KMT2C: variants seen among roughly 807,000 people sequenced by gnomAD.
KMT2C encodes lysine methyltransferase 2C, also known as histone-lysine N-methyltransferase 2C.
KMT2C carries 88 observed loss-of-function variants against 507.9 expected under a neutral mutation model. That is an observed-to-expected ratio of 0.17 (90% CI 0.15 to 0.21). The LOEUF (loss-of-function observed/expected upper bound fraction) is 0.21, where lower values mean the gene tolerates loss of function less well. Among genes scored for constraint, KMT2C ranks in the 10% least tolerant of loss-of-function variants. The pLI is 1.00. For missense variants in KMT2C, 4,954 were observed against 5,957.8 expected, an observed-to-expected ratio of 0.83 and a Z score of 5.55; for synonymous variants, 2,049 against 2,080.8, an observed-to-expected ratio of 0.98 and a Z score of 0.42.
At chr7:152,222,935 T>G (rs2094819817) in intron 20 of KMT2C, among the ~76,000 whole-genome samples, 1 of 152,186 alleles carries the variant, frequency 6.6e-6, no homozygotes, top group African/African-American at 2.4e-5. Context: ...CTAATTATTT[T>G]ATCATCATAT....
intron 1 of KMT2C, among the ~76,000 whole-genome samples, chr7:152,427,204 C>T (rs1489699427): frequency 2.0e-5 from 3 of 151,966 alleles, no homozygotes; most frequent in African/African-American, 7.2e-5. Flanking sequence ...TTAGTAGAGA[C>T]GGGGTTTCAC....
At chr7:152,307,180 G>C (rs559411124) in intron 6 of KMT2C, among the ~76,000 whole-genome samples, 1 of 141,076 alleles carries the variant, frequency 7.1e-6, no homozygotes, top group Admixed American at 7.3e-5. Context: ...GAAGAGGAAG[G>C]AAGGAAAGAA....
chr7:152,243,260 C>G (rs2095416536), intron 14 of KMT2C, among the ~76,000 whole-genome samples: 1 of 152,058 alleles, frequency 6.6e-6, no homozygotes, highest in South Asian at 2.1e-4. Context: ...CCAAAAATAC[C>G]ACAACAAGCA....
rs200202738 is a variant in KMT2C at position 152,387,193 on chromosome 7, TTTAA to T, written c.162-28522_162-28519del. ...AGCCATGTAGTACAAGTTTTAACTT[TTTAA>T]TTAAATATTAAAATTATTAAAAATA... On this transcript the variant is annotated intron_variant, in intron 1 of 58. Coordinates refer to ENST00000262189, the MANE Select transcript of KMT2C (RefSeq NM_170606.3). Among the ~76,000 whole-genome samples, 1,434 of 151,968 alleles carry T rather than the reference TTTAA, an allele frequency of 9.4e-3. 25 individuals carry two copies. Among genetic ancestry groups the T allele is most frequent in the African/African-American group, 0.033 (1,378 of 41,520 alleles).
intron 1 of KMT2C, among the ~76,000 whole-genome samples, chr7:152,401,574 C>G (rs1439675982): frequency 6.6e-6 from 1 of 151,890 alleles, no homozygotes; most frequent in Non-Finnish European, 1.5e-5. Flanking sequence ...ACCTGTAGTC[C>G]CAGCTACTTG....
intron 4 of KMT2C, among the ~76,000 whole-genome samples, chr7:152,313,971 G>A (rs1432059982): frequency 2.0e-5 from 3 of 152,070 alleles, no homozygotes; most frequent in Non-Finnish European, 4.4e-5. Flanking sequence ...ATAAGATACA[G>A]CCTGATTCAC....
In KMT2C at chr7:152,214,399, TAAGTCCTCCCTTA is replaced by T. The variant is rs534836649; in HGVS notation, c.3712+6111_3712+6123del. ...TTGTGACGTGTGTATACACATATAT[TAAGTCCTCCCTTA>T]ATGTCATCAATAGGTTCTTGGGAAC... On this transcript the variant is annotated intron_variant, in intron 23 of 58. Coordinates refer to ENST00000262189, the MANE Select transcript of KMT2C (RefSeq NM_170606.3). 2.3e-3 allele frequency among the ~76,000 whole-genome samples: 355 copies of T among 152,296 alleles called. 2 individuals carry two copies. Among genetic ancestry groups the T allele is most frequent in the South Asian group, 0.015 (71 of 4,818 alleles).
At chr7:152,274,280 A>AT (rs149938238) in intron 6 of KMT2C, among the ~76,000 whole-genome samples, 10 of 152,312 alleles carry the variant, frequency 6.6e-5, no homozygotes, top group Middle Eastern at 3.4e-3. Context: ...ACATATTACT[A>AT]TTTTTTACCC....
intron 1 of KMT2C, among the ~76,000 whole-genome samples, chr7:152,416,753 A>T (rs957989475): frequency 3.3e-5 from 5 of 150,952 alleles, no homozygotes; most frequent in Non-Finnish European, 5.9e-5. Flanking sequence ...AATGTAATTT[A>T]AAAAAATAAG....
At chr7:152,358,826 A>G in intron 1 of KMT2C, 151 bp from the exon 2 acceptor site, 3 of 565,532 alleles carry the variant, frequency 5.3e-6, no homozygotes, top group East Asian at 5.7e-5. Context: ...AGTAGAAAAT[A>G]TCAGAGTTTA....
chr7:152,305,939 TG>T (rs766940481), intron 6 of KMT2C, among the ~76,000 whole-genome samples: 4 of 152,204 alleles, frequency 2.6e-5, no homozygotes, highest in Non-Finnish European at 2.9e-5. Context: ...TCAATGCTAC[TG>T]GGGTGTCATT....
intron 23 of KMT2C, among the ~76,000 whole-genome samples, chr7:152,214,992 C>G (rs2094537632): frequency 6.6e-6 from 1 of 151,620 alleles, no homozygotes; most frequent in Non-Finnish European, 1.5e-5. Flanking sequence ...GTGAAGGATA[C>G]AGACATTTGT....
At chr7:152,161,921 C>T (rs2092474514) in intron 43 of KMT2C, among the ~76,000 whole-genome samples, 196 bp downstream of exon 43, 1 of 151,948 alleles carries the variant, frequency 6.6e-6, no homozygotes, top group African/African-American at 2.4e-5. Context: ...AAATAGTAAA[C>T]AAATTATTAT....
At chr7:152,385,775 A>G (rs796247582) in intron 1 of KMT2C, among the ~76,000 whole-genome samples, 1 of 151,818 alleles carries the variant, frequency 6.6e-6, no homozygotes, top group South Asian at 2.1e-4. Flanking sequence ...ACATTCTCTA[A>G]TATTTATAAA....
At chr7:152,376,712 A>G (rs1055614474) in intron 1 of KMT2C, among the ~76,000 whole-genome samples, 7 of 152,260 alleles carry the variant, frequency 4.6e-5, no homozygotes, top group Non-Finnish European at 2.9e-5. Flanking sequence ...GTCATAACAT[A>G]AAAGTGGAAA....
At chr7:152,239,606 C>T (rs1391530535) in intron 14 of KMT2C, among the ~76,000 whole-genome samples, 3 of 152,092 alleles carry the variant, frequency 2.0e-5, no homozygotes, top group East Asian at 1.9e-4. Context: ...ATAACTAAAA[C>T]TAAAGCATTT....
rs369991077 is a variant in KMT2C, at chr7:152,174,034, C to T, written c.9374+97G>A. 4.5e-6 allele frequency: 3 copies of T among 668,370 alleles called. No individual in the cohort carries two copies. The African/African-American group carries it at 5.5e-5, about 12-fold the overall frequency. 41.4% of individuals were successfully genotyped at this position (668,370 alleles called of 1,614,324 possible). ...TTAAATAGTGTTGTTCATTCCTAGA[C>T]AAGGGCTTTCCATTTTCTGTATGTT... On this transcript the variant is annotated intron_variant, in intron 39 of 58. Transcript: ENST00000262189.
chr7:152,390,768 T>C (rs940065325), intron 1 of KMT2C, among the ~76,000 whole-genome samples: 2 of 152,088 alleles, frequency 1.3e-5, no homozygotes, highest in African/African-American at 4.8e-5. Context: ...TAACAAATAT[T>C]AGACACCTGC....
At chr7:152,169,878 A>C (rs2092886504) in intron 40 of KMT2C, among the ~76,000 whole-genome samples, 1 of 152,180 alleles carries the variant, frequency 6.6e-6, no homozygotes, top group African/African-American at 2.4e-5. Flanking sequence ...AAAGTATTTA[A>C]TTCGTTTTAT....
Sources: gnomAD v4.1 joint callset for allele counts (sites outside exome capture counted in the v4.1 genomes callset) on GRCh38, gnomAD v4.1.1 for gene constraint, MANE v1.5 for transcripts, NCBI Gene and HGNC (gene_info 2026-07-23, HGNC 2026-07-21) for gene names.